The following GRIN2A variants were observed in gnomAD, a reference collection of about 807,000 sequenced individuals.
The protein encoded by GRIN2A is glutamate ionotropic receptor NMDA type subunit 2A, also known as glutamate receptor ionotropic, NMDA 2A.
GRIN2A carries 22 observed loss-of-function variants against 113.4 expected under a neutral mutation model. The ratio of observed to expected loss-of-function variants is 0.19; its 90% CI spans 0.14 to 0.28. The LOEUF (loss-of-function observed/expected upper bound fraction) is 0.28, where lower values mean the gene tolerates loss of function less well. GRIN2A is among the 10% of genes least tolerant of loss of function. The probability of loss-of-function intolerance (pLI) is 1.00; values close to 1 mark genes in which losing one functional copy is unlikely to be tolerated. For synonymous variants in GRIN2A, 827 were observed against 738.4 expected (o/e 1.12, Z -1.94); for missense variants, 1,502 against 1,887.0 (o/e 0.80, Z 3.78).
intron 12 of GRIN2A, among the ~76,000 whole-genome samples, chr16:9,768,145 C>A (rs1426443323): frequency 6.6e-6 from 1 of 152,152 alleles, no homozygotes; most frequent in Non-Finnish European, 1.5e-5. Flanking sequence ...ACTGCAAGCT[C>A]CGCTTCCCGG....
chr16:10,067,608 G>A (rs1242496655), intron 2 of GRIN2A, among the ~76,000 whole-genome samples: 1 of 152,142 alleles, frequency 6.6e-6, no homozygotes, highest in East Asian at 1.9e-4. Flanking sequence ...TGAAGACAGG[G>A]TGAGAAAGAG....
chr16:9,763,188 G>C lies in GRIN2A; in HGVS notation c.4356C>G (p.Arg1452=), dbSNP rs140093291. The C allele has an allele frequency of 1.1e-4, 170 of 1,613,536 alleles. No homozygotes were observed. The highest frequency in any genetic ancestry group is 2.0e-5 in the Non-Finnish European group (24 of 1,179,608). The change falls in exon 13 of 13, where the codon CGC becomes CGG. Residue 1452 remains arginine, a synonymous_variant. Coordinates refer to ENST00000330684, the MANE Select transcript of GRIN2A (RefSeq NM_001134407.3). ...PRVLNSCSNR[R]VYKKMPSIES... ...CGATACTAGGCATTTTCTTGTACAC[G>C]CGTCTATTGCTGCAGGAATTTAAAA... is the stretch of plus-strand genomic sequence containing the variant.
chr16:9,939,592 AC>A (rs1412814476), intron 2 of GRIN2A, among the ~76,000 whole-genome samples: 2 of 152,084 alleles, frequency 1.3e-5, no homozygotes, highest in African/African-American at 4.8e-5. Context: ...CTGCCTTCAT[AC>A]CCCCTAACTC....
intron 2 of GRIN2A, among the ~76,000 whole-genome samples, chr16:9,983,651 G>A (rs1397889003): frequency 2.0e-5 from 3 of 152,222 alleles, no homozygotes; most frequent in South Asian, 2.1e-4. Flanking sequence ...GCGTTAGCCA[G>A]GATAGTCTCT....
chr16:9,910,294 C>T (rs1201001599), intron 3 of GRIN2A, among the ~76,000 whole-genome samples: 2 of 152,060 alleles, frequency 1.3e-5, no homozygotes, highest in Middle Eastern at 3.2e-3. Context: ...GATGGTTGTA[C>T]AACATTGTGA....
chr16:10,152,470 C>T (rs1424638975), intron 2 of GRIN2A, among the ~76,000 whole-genome samples: 2 of 152,162 alleles, frequency 1.3e-5, no homozygotes, highest in Non-Finnish European at 2.9e-5. Flanking sequence ...TCCCCCAGCT[C>T]CACTATTGAA....
chr16:10,172,645 C>G (rs937061763), intron 2 of GRIN2A, among the ~76,000 whole-genome samples: 1 of 152,214 alleles, frequency 6.6e-6, no homozygotes, highest in African/African-American at 2.4e-5. Flanking sequence ...AGATTCATCT[C>G]CAGCCAACTG....
At chr16:10,065,289 C>T (rs946877566) in intron 2 of GRIN2A, among the ~76,000 whole-genome samples, 9 of 152,184 alleles carry the variant, frequency 5.9e-5, no homozygotes, top group South Asian at 4.1e-4. Flanking sequence ...GAGTTACTCA[C>T]GTGAGAAAAA....
intron 2 of GRIN2A, among the ~76,000 whole-genome samples, chr16:10,046,045 G>T (rs1386110074): frequency 6.6e-6 from 1 of 152,172 alleles, no homozygotes; most frequent in South Asian, 2.1e-4. Context: ...CCTTCGGGGA[G>T]GGAAAGACAA....
chr16:9,759,938 A>G lies in GRIN2A; in HGVS notation c.*3211T>C, dbSNP rs1296530852. On this transcript the variant is annotated 3_prime_UTR_variant, in exon 13 of 13. Transcript: ENST00000330684. ...GACTCTCTTACCCAGAGTATTTTAA[A>G]TTGGTTGCATGTGCGTGCTATTACC... 4.3e-6 allele frequency: 1 copy of G among 231,044 alleles called. No individual in the cohort carries two copies. Among genetic ancestry groups the G allele is most frequent in the Admixed American group, 5.6e-5 (1 of 17,702 alleles). 14.3% of individuals were successfully genotyped at this position (231,044 alleles called of 1,614,324 possible). A position where few individuals can be genotyped will look rare whatever the true frequency, so the allele number is the denominator to read the frequency against.
chr16:9,968,189 A>G (rs1052939910), intron 2 of GRIN2A, among the ~76,000 whole-genome samples: 4 of 151,806 alleles, frequency 2.6e-5, no homozygotes, highest in African/African-American at 9.7e-5. Context: ...TTCAATGACA[A>G]TCTCTCTAGG....
At chr16:10,113,520 G>C (rs1417571069) in intron 2 of GRIN2A, among the ~76,000 whole-genome samples, 2 of 152,178 alleles carry the variant, frequency 1.3e-5, no homozygotes, top group Non-Finnish European at 2.9e-5. Flanking sequence ...AGCTGCAGTT[G>C]AAGGCTTTAA....
chr16:9,984,041 C>T (rs2045938500), intron 2 of GRIN2A, among the ~76,000 whole-genome samples: 1 of 152,162 alleles, frequency 6.6e-6, no homozygotes, highest in Non-Finnish European at 1.5e-5. Context: ...TCTCTTTCTC[C>T]ACATCCTTGC....
intron 2 of GRIN2A, among the ~76,000 whole-genome samples, chr16:9,974,665 G>T (rs2045741192): frequency 6.6e-6 from 1 of 152,144 alleles, no homozygotes. Flanking sequence ...GGAATGAGTA[G>T]GCCCTATACT....
chr16:9,795,398 C>T (rs1003277520), intron 11 of GRIN2A, among the ~76,000 whole-genome samples: 1 of 152,182 alleles, frequency 6.6e-6, no homozygotes, highest in East Asian at 1.9e-4. Context: ...AAAAGGGAGG[C>T]ATGAATAATC....
At chr16:9,914,060 G>A (rs1207675220) in intron 3 of GRIN2A, among the ~76,000 whole-genome samples, 1 of 150,606 alleles carries the variant, frequency 6.6e-6, no homozygotes, top group African/African-American at 2.4e-5. Flanking sequence ...TCCCAAGAAT[G>A]TTTGATTTGG....
At chr16:9,981,728 G>T (rs182840193) in intron 2 of GRIN2A, among the ~76,000 whole-genome samples, 7 of 152,194 alleles carry the variant, frequency 4.6e-5, no homozygotes. Flanking sequence ...TATACTTTTA[G>T]AAAAATCGTA....
chr16:10,037,130 A>T (rs74008913), intron 2 of GRIN2A: 1 of 151,962 alleles, frequency 6.6e-6, no homozygotes, highest in Admixed American at 6.5e-5. Context: ...GCTACCAGAG[A>T]GTTCCGCCTC....
intron 9 of GRIN2A, among the ~76,000 whole-genome samples, chr16:9,824,241 T>G (rs2042344403): frequency 6.6e-6 from 1 of 152,178 alleles, no homozygotes; most frequent in South Asian, 2.1e-4. Flanking sequence ...CACGTGTGCA[T>G]GTGTGTGTAT....
Sources: gnomAD v4.1 joint callset for allele counts (sites outside exome capture counted in the v4.1 genomes callset) on GRCh38, gnomAD v4.1.1 for gene constraint, MANE v1.5 for transcripts, NCBI Gene and HGNC (gene_info 2026-07-23, HGNC 2026-07-21) for gene names.